UBE2E2: variants seen among roughly 807,000 people sequenced by gnomAD.
UBE2E2 encodes ubiquitin-conjugating enzyme E2 E2.
In UBE2E2, 6 loss-of-function variants were observed where a neutral mutation model predicts 24.7. The observed-to-expected ratio is 0.24, with a 90% CI of 0.13 to 0.48. The LOEUF (loss-of-function observed/expected upper bound fraction) is 0.48, where lower values mean the gene tolerates loss of function less well. Ranked by LOEUF, UBE2E2 falls within the 20% of genes least tolerant of loss-of-function variation. The probability of loss-of-function intolerance (pLI) is 0.99; values close to 1 mark genes in which losing one functional copy is unlikely to be tolerated. For synonymous variants in UBE2E2, 104 were observed against 83.6 expected (o/e 1.24, Z -1.33); for missense variants, 169 against 245.0 (o/e 0.69, Z 2.07).
chr3:23,280,666 C>T lies in UBE2E2; in HGVS notation c.227+63354C>T, dbSNP rs1698473614. On this transcript the variant is annotated intron_variant, in intron 3 of 5. Coordinates refer to ENST00000396703, the MANE Select transcript of UBE2E2 (RefSeq NM_152653.4). The surrounding 1 kb of genome is among the most constrained non-coding windows in gnomAD (Gnocchi z 4.3). Reference sequence around the variant, plus strand: ...GCATTTGCCATAATTGTCCTAATAACTGTGCTTGTCACAAAACCCAATGCT... The same window carrying T: ...GCATTTGCCATAATTGTCCTAATAATTGTGCTTGTCACAAAACCCAATGCT... 6.6e-6 allele frequency among the ~76,000 whole-genome samples: 1 copy of T among 152,178 alleles called. No individual in the cohort carries two copies. Among genetic ancestry groups the T allele is most frequent in the African/African-American group, 2.4e-5 (1 of 41,434 alleles).
At chr3:23,418,130 G>T (rs1320826369) in intron 3 of UBE2E2, among the ~76,000 whole-genome samples, 1 of 152,222 alleles carries the variant, frequency 6.6e-6, no homozygotes, top group Non-Finnish European at 1.5e-5. Context: ...CAGCTAGCTT[G>T]GTGTCTGCAC....
At chr3:23,478,896 A>AT (rs5847235) in intron 3 of UBE2E2, among the ~76,000 whole-genome samples, 7,215 of 120,442 alleles carry the variant, frequency 0.06, 267 homozygotes, top group Non-Finnish European at 0.092. Flanking sequence ...ATATATATAT[A>AT]TTTTTTTTTT....
intron 3 of UBE2E2, among the ~76,000 whole-genome samples, chr3:23,337,585 C>A (rs924791019): frequency 6.6e-6 from 1 of 152,100 alleles, no homozygotes; most frequent in African/African-American, 2.4e-5. Flanking sequence ...GACAACTTTA[C>A]TGAGGAATAA....
intron 5 of UBE2E2, among the ~76,000 whole-genome samples, chr3:23,539,582 G>C (rs948513821): frequency 6.6e-6 from 1 of 151,996 alleles, no homozygotes; most frequent in Admixed American, 6.6e-5. Context: ...TACTTCTAAC[G>C]CAGGGAGTAT....
At chr3:23,360,853 A>AT (rs1485819264) in intron 3 of UBE2E2, among the ~76,000 whole-genome samples, 1 of 152,142 alleles carries the variant, frequency 6.6e-6, no homozygotes, top group Non-Finnish European at 1.5e-5. Flanking sequence ...AATTAAACTA[A>AT]AAAGCTTCTG....
At chr3:23,297,237 A>C (rs541628251) in intron 3 of UBE2E2, among the ~76,000 whole-genome samples, 35 of 151,790 alleles carry the variant, frequency 2.3e-4, no homozygotes, top group South Asian at 8.3e-4. Flanking sequence ...AGGTTGCAAA[A>C]ATTTTCTCCC....
chr3:23,220,000 A>G (rs1470637372), intron 3 of UBE2E2, among the ~76,000 whole-genome samples: 2 of 152,114 alleles, frequency 1.3e-5, no homozygotes, highest in African/African-American at 4.8e-5. Context: ...CTCTTAGGTG[A>G]TATCTAGTTA....
chr3:23,449,115 ACT>A lies in UBE2E2; in HGVS notation c.228-50490_228-50489del, dbSNP rs754715101. On this transcript the variant is annotated intron_variant, in intron 3 of 5. Transcript: ENST00000396703. ...GTTTAAACTGGAAAAATTTAGGGTA[ACT>A]CTTATGGCATTACAGAACGTCAGTA... Among the ~76,000 whole-genome samples the A allele has an allele frequency of 2.8e-4, 43 of 152,134 alleles. 1 individual carries two copies. Among genetic ancestry groups the A allele is most frequent in the Admixed American group, 2.7e-3 (41 of 15,274 alleles).
intron 1 of UBE2E2, 145 bp downstream of exon 1, chr3:23,203,609 C>T (rs969145960): frequency 4.1e-5 from 17 of 416,736 alleles, no homozygotes; most frequent in Non-Finnish European, 5.5e-5. Flanking sequence ...CCTCGCTCCC[C>T]GTGCCCGGTT....
At chr3:23,239,435 TC>T (rs1559451960) in intron 3 of UBE2E2, among the ~76,000 whole-genome samples, 2 of 151,828 alleles carry the variant, frequency 1.3e-5, no homozygotes, top group Non-Finnish European at 2.9e-5. Flanking sequence ...CATTCTCCAT[TC>T]CCCCCTCCCC....
At chr3:23,291,849 ATTTTTTTTTTTTTTT>A (rs57708620) in intron 3 of UBE2E2, among the ~76,000 whole-genome samples, 1 of 64,054 alleles carries the variant, frequency 1.6e-5, no homozygotes, top group Non-Finnish European at 2.6e-5. Flanking sequence ...TGCCCGGCTA[ATTTTTTTTTTTTTTT>A]TTTTTTTTTT....
chr3:23,311,877 G>A (rs1432074964), intron 3 of UBE2E2, among the ~76,000 whole-genome samples: 1 of 152,114 alleles, frequency 6.6e-6, no homozygotes, highest in Non-Finnish European at 1.5e-5. Context: ...AAACAATACA[G>A]TTATACTCCT....
intron 3 of UBE2E2, among the ~76,000 whole-genome samples, chr3:23,470,866 G>A (rs374349862): frequency 6.6e-6 from 1 of 151,968 alleles, no homozygotes; most frequent in African/African-American, 2.4e-5. Context: ...CAAGTTCTTG[G>A]CCCAAATTGT....
chr3:23,332,482 T>TA (rs1384428849), intron 3 of UBE2E2, among the ~76,000 whole-genome samples: 2 of 152,126 alleles, frequency 1.3e-5, no homozygotes, highest in Non-Finnish European at 2.9e-5. Flanking sequence ...AAAATAAAGA[T>TA]AAATCACTGG....
chr3:23,353,137 C>G (rs925043537), intron 3 of UBE2E2, among the ~76,000 whole-genome samples: 1 of 152,106 alleles, frequency 6.6e-6, no homozygotes, highest in Non-Finnish European at 1.5e-5. Context: ...CAAAAACCAC[C>G]ATGATTATCT....
At chr3:23,419,405 A>T (rs6780897) in intron 3 of UBE2E2, among the ~76,000 whole-genome samples, 1,545 of 152,278 alleles carry the variant, frequency 0.01, 23 homozygotes, top group African/African-American at 0.035. Context: ...TGTTCTACCT[A>T]TACAGTGATG....
At chr3:23,567,977 C>T (rs761787724) in intron 5 of UBE2E2, among the ~76,000 whole-genome samples, 25 of 152,280 alleles carry the variant, frequency 1.6e-4, no homozygotes, top group Non-Finnish European at 3.7e-4. Context: ...ATAACACCCT[C>T]TCACAGGAGA....
At chr3:23,522,927 C>CA (rs1316607663) in intron 4 of UBE2E2, among the ~76,000 whole-genome samples, 4 of 151,654 alleles carry the variant, frequency 2.6e-5, no homozygotes, top group African/African-American at 9.7e-5. Context: ...AACTCACACT[C>CA]AAAGATTTCT....
intron 3 of UBE2E2, among the ~76,000 whole-genome samples, chr3:23,430,492 A>G (rs984441547): frequency 6.6e-6 from 1 of 151,300 alleles, no homozygotes; most frequent in South Asian, 2.1e-4. Flanking sequence ...TATGTTGGCT[A>G]TTATTCTTGG....
Sources: gnomAD v4.1 joint callset for allele counts (sites outside exome capture counted in the v4.1 genomes callset) on GRCh38, gnomAD v4.1.1 for gene constraint, Gnocchi (gnomAD v3.1) non-coding constraint, MANE v1.5 for transcripts, NCBI Gene and HGNC (gene_info 2026-07-23, HGNC 2026-07-21) for gene names.